LHFPL6: variants seen among roughly 807,000 people sequenced by gnomAD.
The protein encoded by LHFPL6 is LHFPL tetraspan subfamily member 6 protein.
A neutral mutation model predicts 20.6 loss-of-function variants in LHFPL6; 9 were observed. The observed-to-expected ratio is 0.44, with a 90% CI of 0.26 to 0.76. The LOEUF (loss-of-function observed/expected upper bound fraction) is 0.76. Among genes scored for constraint, LHFPL6 ranks in the 30% least tolerant of loss-of-function variants. The pLI is 0.20. For synonymous variants in LHFPL6, 105 were observed against 98.7 expected, an observed-to-expected ratio of 1.06 and a Z score of -0.38; for missense variants, 218 against 253.5, an observed-to-expected ratio of 0.86 and a Z score of 0.95.
chr13:39,417,537 G>A (rs971814337), intron 2 of LHFPL6, among the ~76,000 whole-genome samples: 7 of 152,162 alleles, frequency 4.6e-5, no homozygotes, highest in Non-Finnish European at 8.8e-5. Flanking sequence ...CGGAGGGAAG[G>A]AGTCACATCA....
At chr13:39,382,543 C>T (rs1345804489) in intron 2 of LHFPL6, among the ~76,000 whole-genome samples, 1 of 152,046 alleles carries the variant, frequency 6.6e-6, no homozygotes, top group Non-Finnish European at 1.5e-5. Flanking sequence ...GCGCGTACCC[C>T]CATGCCCGGC....
intron 2 of LHFPL6, among the ~76,000 whole-genome samples, chr13:39,517,234 G>A (rs1414463840): frequency 6.6e-6 from 1 of 152,094 alleles, no homozygotes; most frequent in Non-Finnish European, 1.5e-5. Flanking sequence ...TTTGCTGATT[G>A]GAAAGAAAAG....
chr13:39,537,053 T>G (rs545167680), intron 2 of LHFPL6, among the ~76,000 whole-genome samples: 1 of 152,342 alleles, frequency 6.6e-6, no homozygotes, highest in Admixed American at 6.5e-5. Flanking sequence ...TCATTTTGAT[T>G]AACTGTCTTC....
At chr13:39,364,983 C>G (rs1281153968) in intron 3 of LHFPL6, among the ~76,000 whole-genome samples, 1 of 152,184 alleles carries the variant, frequency 6.6e-6, no homozygotes, top group Non-Finnish European at 1.5e-5. Context: ...CCTTTGTGTT[C>G]ACACTGTGAA....
At chr13:39,596,655 TAAAA>T (rs11322450) in intron 2 of LHFPL6, among the ~76,000 whole-genome samples, 3 of 148,018 alleles carry the variant, frequency 2.0e-5, no homozygotes, top group Non-Finnish European at 3.0e-5. Context: ...AGGCATAATT[TAAAA>T]AAAAAAAAAG....
chr13:39,424,638 T>G (rs1180949709), intron 2 of LHFPL6, among the ~76,000 whole-genome samples: 2 of 152,140 alleles, frequency 1.3e-5, no homozygotes, highest in Non-Finnish European at 2.9e-5. Context: ...CAATTTAATA[T>G]TACGGGGATT....
At chr13:39,499,554 G>A (rs1869221958) in intron 2 of LHFPL6, among the ~76,000 whole-genome samples, 1 of 137,392 alleles carries the variant, frequency 7.3e-6, no homozygotes, top group Non-Finnish European at 1.7e-5. Flanking sequence ...AGGTGTAGAT[G>A]GCCCTATACG....
chr13:39,484,458 T>C (rs1035302994), intron 2 of LHFPL6, among the ~76,000 whole-genome samples: 8 of 152,200 alleles, frequency 5.3e-5, no homozygotes, highest in African/African-American at 1.7e-4. Flanking sequence ...AACATGATCC[T>C]GATTTGTAAA....
chr13:39,440,352 G>T lies in LHFPL6; in HGVS notation c.386-61826C>A, dbSNP rs573021705. Among the ~76,000 whole-genome samples the T allele has an allele frequency of 2.6e-5, 4 of 152,266 alleles. No individual in the cohort carries two copies. In the South Asian group the frequency reaches 8.3e-4, roughly 32 times the overall value. On this transcript the variant is annotated intron_variant, in intron 2 of 3. Coordinates refer to ENST00000379589, the MANE Select transcript of LHFPL6 (RefSeq NM_005780.3). ...TGTTTAAAAAACAGTGAGCAGGTCA[G>T]GTGTGGTAGCTTATGCCAGTAATTT...
intron 2 of LHFPL6, among the ~76,000 whole-genome samples, chr13:39,585,462 A>C (rs1373338999): frequency 4.6e-5 from 7 of 152,226 alleles, no homozygotes; most frequent in African/African-American, 2.4e-5. Flanking sequence ...CAATCAAGGG[A>C]TAGCTAGTTT....
chr13:39,498,594 G>A (rs1295235807), intron 2 of LHFPL6, among the ~76,000 whole-genome samples: 1 of 152,174 alleles, frequency 6.6e-6, no homozygotes, highest in Admixed American at 6.5e-5. Flanking sequence ...CTGTGGTTGG[G>A]AAGTCCAAAA....
At chr13:39,546,939 C>T (rs149912276) in intron 2 of LHFPL6, among the ~76,000 whole-genome samples, 1 of 152,062 alleles carries the variant, frequency 6.6e-6, no homozygotes, top group Non-Finnish European at 1.5e-5. Context: ...GCTTTGAAGA[C>T]TAAAGATCCT....
intron 2 of LHFPL6, among the ~76,000 whole-genome samples, chr13:39,575,656 T>G (rs1872090849): frequency 6.6e-6 from 1 of 152,112 alleles, no homozygotes; most frequent in Admixed American, 6.5e-5. Flanking sequence ...AGCAAAGAAC[T>G]GGGGTAGCAA....
At position 39,378,411 on chromosome 13, in the gene LHFPL6, C is replaced by A. The variant is rs551854355; in HGVS notation, c.484+17G>T. The stretch of plus-strand genomic sequence containing the variant: ...GTTCTTTTTCTAAAAGGAGTGCCAT[C>A]CATGAAGAAAGCTTACCCAGGTCAA... On this transcript the variant is annotated intron_variant, in intron 3 of 3. Coordinates refer to ENST00000379589, the MANE Select transcript of LHFPL6 (RefSeq NM_005780.3). 6.2e-7 allele frequency: 1 copy of A among 1,600,136 alleles called. No homozygotes were observed. Among genetic ancestry groups the A allele is most frequent in the Non-Finnish European group, 8.6e-7 (1 of 1,167,476 alleles).
At chr13:39,562,629 CAT>C (rs57317797) in intron 2 of LHFPL6, among the ~76,000 whole-genome samples, 52,446 of 115,440 alleles carry the variant, frequency 0.45, 9,972 homozygotes, top group Middle Eastern at 0.57. Flanking sequence ...TATATACACA[CAT>C]ATATATACAC....
At chr13:39,383,584 A>G (rs1379026524) in intron 2 of LHFPL6, among the ~76,000 whole-genome samples, 2 of 152,194 alleles carry the variant, frequency 1.3e-5, no homozygotes, top group African/African-American at 4.8e-5. Flanking sequence ...GATATAAGAC[A>G]CACTTTAAAA....
chr13:39,566,732 A>T (rs1297856498), intron 2 of LHFPL6, among the ~76,000 whole-genome samples: 1 of 14,404 alleles, frequency 6.9e-5, no homozygotes, highest in Non-Finnish European at 1.7e-4. Context: ...GACCCTGTCT[A>T]AAAAAAAAAA....
intron 2 of LHFPL6, among the ~76,000 whole-genome samples, chr13:39,381,134 G>C (rs1010019445): frequency 3.3e-5 from 5 of 152,126 alleles, no homozygotes; most frequent in African/African-American, 1.2e-4. Context: ...GTGTAAAAAA[G>C]GTTGGGGATT....
chr13:39,597,473 T>C (rs1458678321), intron 2 of LHFPL6, among the ~76,000 whole-genome samples: 2 of 152,234 alleles, frequency 1.3e-5, no homozygotes, highest in African/African-American at 4.8e-5. Flanking sequence ...CAATTTTATA[T>C]TCACCAATCA....
Sources: allele counts gnomAD v4.1 joint callset (sites outside exome capture counted in the v4.1 genomes callset), GRCh38; gene constraint gnomAD v4.1.1; transcripts MANE v1.5; gene names NCBI Gene and HGNC (gene_info 2026-07-23, HGNC 2026-07-21).